ESCO1: variants seen among roughly 807,000 people sequenced by gnomAD.
The protein encoded by ESCO1 is establishment of sister chromatid cohesion N-acetyltransferase 1.
ESCO1 carries 33 observed loss-of-function variants against 83.5 expected under a neutral mutation model. The observed-to-expected ratio is 0.40, with a 90% CI of 0.30 to 0.53. ESCO1 has a LOEUF of 0.53. ESCO1 is among the 20% of genes least tolerant of loss of function. The probability of loss-of-function intolerance (pLI) is 0.63; values close to 1 mark genes in which losing one functional copy is unlikely to be tolerated. For synonymous variants in ESCO1, 332 were observed against 324.3 expected (o/e 1.02, Z -0.25); for missense variants, 855 against 968.0 (o/e 0.88, Z 1.55).
At chr18:21,562,356 A>C (rs1033637964) in intron 7 of ESCO1, among the ~76,000 whole-genome samples, 1 of 151,978 alleles carries the variant, frequency 6.6e-6, no homozygotes, top group Non-Finnish European at 1.5e-5. Flanking sequence ...CGTGCCTGTA[A>C]ACCCAGCTAC....
chr18:21,563,867 C>T (rs752668614), intron 7 of ESCO1, among the ~76,000 whole-genome samples: 15 of 151,622 alleles, frequency 9.9e-5, no homozygotes, highest in Non-Finnish European at 1.5e-4. Context: ...AGGTGAATCC[C>T]GCACAAATAG....
chr18:21,573,024 T>C (rs1281381176), intron 4 of ESCO1, among the ~76,000 whole-genome samples: 1 of 147,950 alleles, frequency 6.8e-6, no homozygotes, highest in Admixed American at 6.8e-5. Context: ...TAACAGAAAA[T>C]CAGTGTGTTA....
At chr18:21,592,841 G>A (rs1467562948) in intron 1 of ESCO1, among the ~76,000 whole-genome samples, 1 of 151,114 alleles carries the variant, frequency 6.6e-6, no homozygotes, top group Non-Finnish European at 1.5e-5. Context: ...AGACGGGGCG[G>A]TTGCCGGGCA....
intron 7 of ESCO1, among the ~76,000 whole-genome samples, chr18:21,562,469 A>C (rs1179645931): frequency 4.4e-3 from 1 of 228 alleles, no homozygotes; most frequent in Non-Finnish European, 0.071. Context: ...CCGTCTTACA[A>C]AAAAAAAAAA....
At chr18:21,597,406 TC>T (rs1423356755) in intron 1 of ESCO1, among the ~76,000 whole-genome samples, 1 of 151,760 alleles carries the variant, frequency 6.6e-6, no homozygotes, top group African/African-American at 2.4e-5. Context: ...ACACCTGTAG[TC>T]CCACCTATTT....
At chr18:21,596,490 TTAATAA>T (rs1432422502) in intron 1 of ESCO1, among the ~76,000 whole-genome samples, 3 of 152,130 alleles carry the variant, frequency 2.0e-5, no homozygotes, top group Non-Finnish European at 4.4e-5. Flanking sequence ...TATAATAATA[TTAATAA>T]TTAGCTATAA....
intron 2 of ESCO1, among the ~76,000 whole-genome samples, chr18:21,581,689 A>G (rs2038504858): frequency 6.6e-6 from 1 of 152,170 alleles, no homozygotes; most frequent in South Asian, 2.1e-4. Flanking sequence ...TAAAGGTGGT[A>G]TTGATTTCAT....
chr18:21,583,714 T>C (rs1402223733), intron 2 of ESCO1, among the ~76,000 whole-genome samples: 26 of 152,100 alleles, frequency 1.7e-4, no homozygotes, highest in Admixed American at 3.3e-4. Context: ...AGCTCAGTCA[T>C]TGCCTGGGAT....
chr18:21,567,537 T>C (rs919029493), intron 5 of ESCO1, among the ~76,000 whole-genome samples: 18 of 151,790 alleles, frequency 1.2e-4, no homozygotes, highest in Non-Finnish European at 2.2e-4. Flanking sequence ...ATTTGCAAAG[T>C]GGACAATTTG....
intron 7 of ESCO1, among the ~76,000 whole-genome samples, chr18:21,562,876 T>G (rs982777752): frequency 1.4e-5 from 2 of 144,836 alleles, no homozygotes; most frequent in Non-Finnish European, 3.0e-5. Context: ...ATGTTATTAT[T>G]TTTTTTTTTT....
chr18:21,590,596 G>T (rs1311523058), intron 1 of ESCO1, among the ~76,000 whole-genome samples: 1 of 151,882 alleles, frequency 6.6e-6, no homozygotes, highest in East Asian at 1.9e-4. Flanking sequence ...AATTGAATTT[G>T]TATTTCAATT....
chr18:21,530,695 C>T (rs2037756878), intron 11 of ESCO1, among the ~76,000 whole-genome samples: 1 of 152,014 alleles, frequency 6.6e-6, no homozygotes, highest in Non-Finnish European at 1.5e-5. Context: ...ATAAAAGCAA[C>T]AATGTAAAAA....
intron 1 of ESCO1, among the ~76,000 whole-genome samples, chr18:21,584,716 G>C (rs1170484149): frequency 6.6e-6 from 1 of 152,104 alleles, no homozygotes; most frequent in African/African-American, 2.4e-5. Flanking sequence ...CTACTTCGGA[G>C]GCTGAGGTGG....
intron 4 of ESCO1, 41 bp downstream of exon 4, chr18:21,573,273 A>G: frequency 6.8e-7 from 1 of 1,480,012 alleles, no homozygotes; most frequent in Non-Finnish European, 9.0e-7. Flanking sequence ...CTTACAGAAA[A>G]TATTTCGGCA....
chr18:21,541,570 G>A (rs902646805), intron 8 of ESCO1, among the ~76,000 whole-genome samples: 6 of 145,422 alleles, frequency 4.1e-5, no homozygotes, highest in Non-Finnish European at 9.0e-5. Flanking sequence ...TCCAGCCTGG[G>A]TGACAGAGCG....
Position 21,574,859 on chromosome 18 carries a change from T to C in ESCO1, c.-16A>G, listed in dbSNP as rs201269480. The C allele has an allele frequency of 3.9e-6, 6 of 1,552,992 alleles. No individual in the cohort carries two copies. The East Asian group carries it at 1.3e-4, about 35-fold the overall frequency. ...TGGACATCATTCCTGAGTAATGACT[T>C]TCTTTTCTGAGTAGTTTTGAAGAGG... On this transcript the variant is annotated 5_prime_UTR_variant, in exon 4 of 12. Transcript: ENST00000269214.
At chr18:21,532,422 G>C in intron 11 of ESCO1, 51 bp downstream of exon 11, 1 of 1,545,782 alleles carries the variant, frequency 6.5e-7, no homozygotes, top group South Asian at 1.2e-5. Flanking sequence ...CTAAAGCTCT[G>C]CCTAAGTCCT....
intron 9 of ESCO1, 29 bp from the exon 10 acceptor site, chr18:21,536,214 T>C: frequency 1.3e-6 from 2 of 1,592,296 alleles, no homozygotes; most frequent in Non-Finnish European, 1.7e-6. Context: ...TAATTATTTT[T>C]AAATGAAAAT....
chr18:21,590,353 C>G (rs7240311), intron 1 of ESCO1, among the ~76,000 whole-genome samples: 48,018 of 151,342 alleles, frequency 0.32, 10,464 homozygotes, highest in African/African-American at 0.59. Flanking sequence ...TCCTCAGTAG[C>G]TGGGACTACA....
Sources: allele counts gnomAD v4.1 joint callset (sites outside exome capture counted in the v4.1 genomes callset), GRCh38; gene constraint gnomAD v4.1.1; transcripts MANE v1.5; gene names NCBI Gene and HGNC (gene_info 2026-07-23, HGNC 2026-07-21).